SFMBT2: variants seen among roughly 807,000 people sequenced by gnomAD.
The protein encoded by SFMBT2 is Scm like with four mbt domains 2, also known as scm-like with four MBT domains protein 2.
A neutral mutation model predicts 110.1 loss-of-function variants in SFMBT2; 38 were observed. That is an observed-to-expected ratio of 0.35 (90% CI 0.27 to 0.45). SFMBT2 has a LOEUF of 0.45. SFMBT2 is among the 20% of genes least tolerant of loss of function. The probability of loss-of-function intolerance (pLI) is 1.00; values close to 1 mark genes in which losing one functional copy is unlikely to be tolerated. For missense variants in SFMBT2, 1,011 were observed against 1,094.9 expected, an observed-to-expected ratio of 0.92 and a Z score of 1.08; for synonymous variants, 425 against 425.4, an observed-to-expected ratio of 1.00 and a Z score of 0.01.
chr10:7,409,020 AAGGCAAC>A (rs1019936497), intron 1 of SFMBT2, among the ~76,000 whole-genome samples: 1 of 151,856 alleles, frequency 6.6e-6, no homozygotes, highest in African/African-American at 2.4e-5. Context: ...AAAAGTAAGG[AAGGCAAC>A]CCCTCGCCTC....
chr10:7,252,845 G>A (rs1376817505), intron 7 of SFMBT2, among the ~76,000 whole-genome samples: 3 of 152,062 alleles, frequency 2.0e-5, no homozygotes, highest in Non-Finnish European at 4.4e-5. Flanking sequence ...GTTCTAATGG[G>A]TCCATTCTTG....
intron 4 of SFMBT2, among the ~76,000 whole-genome samples, chr10:7,298,910 A>G (rs1388014246): frequency 6.6e-6 from 1 of 152,148 alleles, no homozygotes; most frequent in Non-Finnish European, 1.5e-5. Context: ...AAATATTATT[A>G]CATTAAAATG....
chr10:7,286,086 C>CT (rs1588418413), intron 4 of SFMBT2, 132 bp from the exon 5 acceptor site: 2 of 628,136 alleles, frequency 3.2e-6, no homozygotes, highest in East Asian at 5.4e-5. Flanking sequence ...TTTTTCTTAA[C>CT]TTTCATCACC....
intron 11 of SFMBT2, chr10:7,206,656 C>T (rs1839146226): frequency 4.5e-6 from 4 of 888,386 alleles, no homozygotes; most frequent in Non-Finnish European, 5.4e-6. Context: ...TAATTACAGT[C>T]ATGCCTTATG....
intron 4 of SFMBT2, among the ~76,000 whole-genome samples, chr10:7,341,961 C>G (rs1452898784): frequency 1.3e-5 from 2 of 152,004 alleles, no homozygotes; most frequent in African/African-American, 4.8e-5. Context: ...CCAACCAGAG[C>G]AAATAGTTAT....
chr10:7,323,693 T>C (rs978959303), intron 4 of SFMBT2, among the ~76,000 whole-genome samples: 1 of 152,118 alleles, frequency 6.6e-6, no homozygotes, highest in Non-Finnish European at 1.5e-5. Context: ...GTTTGATATG[T>C]CCAAAAATAA....
intron 11 of SFMBT2, among the ~76,000 whole-genome samples, chr10:7,215,229 G>A (rs956615957): frequency 1.1e-4 from 17 of 152,134 alleles, no homozygotes; most frequent in African/African-American, 3.6e-4. Flanking sequence ...AGTGGGACCC[G>A]CATCTCTACT....
At chr10:7,345,331 T>A (rs1844075118) in intron 4 of SFMBT2, among the ~76,000 whole-genome samples, 1 of 152,200 alleles carries the variant, frequency 6.6e-6, no homozygotes, top group African/African-American at 2.4e-5. Context: ...AATTACAGTT[T>A]AATAAACTAA....
intron 2 of SFMBT2, among the ~76,000 whole-genome samples, chr10:7,372,702 G>A (rs571310844): frequency 3.3e-5 from 5 of 152,302 alleles, no homozygotes; most frequent in South Asian, 4.1e-4. Context: ...GCCTCCCAAC[G>A]GCACTGGGCA....
chr10:7,285,753 G>A (rs1329663700), intron 5 of SFMBT2, 113 bp downstream of exon 5: 4 of 698,340 alleles, frequency 5.7e-6, no homozygotes, highest in African/African-American at 3.5e-5. Context: ...GGATGGCAGT[G>A]TCTGCAGAAA....
Position 7,367,846 on chromosome 10 carries a change from A to C in SFMBT2, c.239T>G (p.Leu80Trp). 6.2e-7 allele frequency: 1 copy of C among 1,614,200 alleles called. No individual in the cohort carries two copies. Among genetic ancestry groups the C allele is most frequent in the Non-Finnish European group, 8.5e-7 (1 of 1,180,032 alleles). Residue 80 changes from leucine to tryptophan, a missense_variant, in exon 4 of 21, where the codon TTG (leucine) becomes TGG (tryptophan). Transcript: ENST00000397167. This position sits in a 1 kb window ranked among gnomAD's most constrained non-coding sequence, Gnocchi z 6.2. ...CGGGTTGTTCTTATTAGCCACTTCC[A>C]ATTTCATTCCTGGCTGGAAGTTGCT... ...IQSNFQPGMK[L>W]EVANKNNPDT...
intron 1 of SFMBT2, among the ~76,000 whole-genome samples, chr10:7,404,522 T>C (rs550647531): frequency 2.7e-4 from 41 of 152,336 alleles, no homozygotes; most frequent in Admixed American, 1.1e-3. Flanking sequence ...ACTTCCTGTC[T>C]AATCACAGTT....
At chr10:7,225,221 C>T (rs909582783) in intron 10 of SFMBT2, among the ~76,000 whole-genome samples, 9 of 152,178 alleles carry the variant, frequency 5.9e-5, no homozygotes, top group East Asian at 1.9e-4. Context: ...TTCAATCCAC[C>T]GCTTGAGGGT....
intron 4 of SFMBT2, among the ~76,000 whole-genome samples, chr10:7,331,288 G>A (rs1262040055): frequency 2.6e-5 from 4 of 152,212 alleles, no homozygotes; most frequent in Non-Finnish European, 4.4e-5. Context: ...CTAACCAGGA[G>A]TCTGTTGATG....
chr10:7,255,517 C>A (rs989539468), intron 7 of SFMBT2, among the ~76,000 whole-genome samples: 1 of 152,222 alleles, frequency 6.6e-6, no homozygotes, highest in Non-Finnish European at 1.5e-5. Flanking sequence ...CATCTACATT[C>A]ATCACTACCC....
chr10:7,403,909 T>A (rs72775582), intron 1 of SFMBT2, among the ~76,000 whole-genome samples: 2,291 of 152,282 alleles, frequency 0.015, 29 homozygotes, highest in Non-Finnish European at 0.022. Context: ...ACAGCAGATA[T>A]TTAAATAAGC....
intron 9 of SFMBT2, among the ~76,000 whole-genome samples, chr10:7,237,171 C>G (rs1840283406): frequency 1.3e-5 from 2 of 152,194 alleles, no homozygotes; most frequent in Non-Finnish European, 2.9e-5. Context: ...AGAATTCCAG[C>G]AATTCCACAT....
chr10:7,291,450 G>A (rs181300011), intron 4 of SFMBT2, among the ~76,000 whole-genome samples: 33 of 152,158 alleles, frequency 2.2e-4, no homozygotes, highest in Non-Finnish European at 4.0e-4. Context: ...CTTCTAAAAC[G>A]TTTTCTTTAA....
chr10:7,280,467 C>T (rs1841919304), intron 6 of SFMBT2, among the ~76,000 whole-genome samples: 1 of 152,032 alleles, frequency 6.6e-6, no homozygotes, highest in Non-Finnish European at 1.5e-5. Context: ...GAAAAAGAAA[C>T]TCAAAAAGTT....
Sources: allele counts gnomAD v4.1 joint callset (sites outside exome capture counted in the v4.1 genomes callset), GRCh38; gene constraint gnomAD v4.1.1; non-coding constraint Gnocchi (gnomAD v3.1); transcripts MANE v1.5; gene names NCBI Gene and HGNC (gene_info 2026-07-23, HGNC 2026-07-21).